Variants in MED13 observed in about 807,000 individuals in gnomAD.
MED13 encodes the protein mediator of RNA polymerase II transcription subunit 13.
In MED13, 23 loss-of-function variants were observed where a neutral mutation model predicts 225.2. The ratio of observed to expected loss-of-function variants is 0.10; its 90% CI spans 0.07 to 0.14. MED13 has a LOEUF of 0.14. MED13 is among the 10% of genes least tolerant of loss of function. The pLI, the probability that MED13 is intolerant of heterozygous loss-of-function variation, is 1.00. For missense variants in MED13, 2,197 were observed against 2,594.5 expected, an observed-to-expected ratio of 0.85 and a Z score of 3.33; for synonymous variants, 942 against 889.2, an observed-to-expected ratio of 1.06 and a Z score of -1.06.
chr17:62,037,309 AAACTAAAAATAATAT>A (rs2080812185), intron 3 of MED13, among the ~76,000 whole-genome samples: 2 of 152,054 alleles, frequency 1.3e-5, no homozygotes, highest in African/African-American at 2.4e-5. Flanking sequence ...ACTGACAGAA[AAACTAAAAATAATAT>A]AACTAAAACA....
intron 9 of MED13, chr17:62,003,599 C>CAAAAAAAAAAAAAT (rs2080417328): frequency 1.9e-5 from 1 of 51,744 alleles, no homozygotes; most frequent in South Asian, 1.2e-3. Flanking sequence ...CAGCAAAACT[C>CAAAAAAAAAAAAAT]AAAAAAAAAA....
intron 16 of MED13, among the ~76,000 whole-genome samples, chr17:61,978,571 T>C (rs1331933487): frequency 6.6e-6 from 1 of 152,154 alleles, no homozygotes; most frequent in Non-Finnish European, 1.5e-5. Flanking sequence ...CTCAATACCC[T>C]GTAAAGTAAA....
At chr17:62,015,952 A>ATT (rs2080573117) in intron 8 of MED13, among the ~76,000 whole-genome samples, 3 of 10,634 alleles carry the variant, frequency 2.8e-4, no homozygotes, top group African/African-American at 3.6e-4. Context: ...ATATATATAT[A>ATT]TATTTTTTTT....
chr17:62,028,489 T>C (rs58046635), intron 8 of MED13, among the ~76,000 whole-genome samples: 11,408 of 151,938 alleles, frequency 0.075, 1,471 homozygotes, highest in African/African-American at 0.26. Flanking sequence ...CAGCAAACCC[T>C]TGTGACATGA....
rs2079836706 is a variant in MED13, at chr17:61,944,330, G to A, written c.*2138C>T. On this transcript the variant is annotated 3_prime_UTR_variant, in exon 30 of 30. Transcript: ENST00000397786. The stretch of plus-strand genomic sequence containing the variant: ...TGTATAAAAAGGATACTCTTTTTAT[G>A]GAAATTCCAAATAAGCACATTTTCC... The A allele has an allele frequency of 6.6e-6, 1 of 151,124 alleles. No homozygotes were observed. The highest frequency in any genetic ancestry group is 2.4e-5 in the African/African-American group (1 of 41,158). The allele number at this position is 151,124 out of a possible 1,614,324, so 9.4% of individuals were successfully genotyped here.
Position 61,966,466 on chromosome 17 carries a change from G to A in MED13, c.4377C>T (p.Asp1459=). ...LKLYAQVCRY[D]LGPYLASLPL... ...CAATAAATACAAATTCAATACCTAGGTCATATCTGCAGACTTGTGCATAAA... is the reference window on the plus strand; with the variant it reads ...CAATAAATACAAATTCAATACCTAGATCATATCTGCAGACTTGTGCATAAA... The change falls in exon 19 of 30, where the codon GAC becomes GAT. Residue 1459 remains aspartate (D), a synonymous_variant. Transcript: ENST00000397786. 1 of 1,609,720 alleles carries A rather than the reference G, an allele frequency of 6.2e-7. No homozygotes were observed. The highest frequency in any genetic ancestry group is 1.3e-5 in the African/African-American group (1 of 74,890).
chr17:61,989,690 T>G (rs534247365), intron 11 of MED13, among the ~76,000 whole-genome samples: 1 of 152,230 alleles, frequency 6.6e-6, no homozygotes, highest in Non-Finnish European at 1.5e-5. Context: ...AAGGTGGTCT[T>G]GAACTCCTGG....
At chr17:62,029,370 A>C in intron 8 of MED13, 171 bp downstream of exon 8, 1 of 588,290 alleles carries the variant, frequency 1.7e-6, no homozygotes. Flanking sequence ...TTATATTTAC[A>C]TGTACTTCTA....
intron 3 of MED13, among the ~76,000 whole-genome samples, chr17:62,039,116 C>T (rs569829400): frequency 1.1e-4 from 17 of 152,288 alleles, no homozygotes; most frequent in African/African-American, 4.1e-4. Flanking sequence ...CACTGTTTAT[C>T]TGCCACTACC....
At chr17:62,045,596 T>C (rs765805637) in intron 3 of MED13, among the ~76,000 whole-genome samples, 11 of 152,140 alleles carry the variant, frequency 7.2e-5, no homozygotes, top group Non-Finnish European at 1.2e-4. Context: ...AAGTTCAGAA[T>C]ATCTTTTATA....
At chr17:61,961,435 G>A (rs1294988604) in intron 22 of MED13, among the ~76,000 whole-genome samples, 153 bp downstream of exon 22, 4 of 148,300 alleles carry the variant, frequency 2.7e-5, no homozygotes, top group African/African-American at 7.5e-5. Context: ...CAGGAGAATC[G>A]CTTGAACCCA....
intron 3 of MED13, among the ~76,000 whole-genome samples, chr17:62,048,043 C>CATATACATATACATATACATATAT (rs776069700): frequency 3.0e-5 from 4 of 131,168 alleles, no homozygotes; most frequent in African/African-American, 1.1e-4. Flanking sequence ...TATACATATA[C>CATATACATATACATATACATATAT]ATATATATAT....
At chr17:62,062,853 G>A (rs914084970) in intron 2 of MED13, among the ~76,000 whole-genome samples, 3 of 152,144 alleles carry the variant, frequency 2.0e-5, no homozygotes, top group African/African-American at 7.2e-5. Flanking sequence ...GGTGGAAGGA[G>A]AAAGTCATTC....
At position 61,984,731 on chromosome 17, in the gene MED13, C is replaced by T; in HGVS notation, c.2611G>A (p.Gly871Arg). ...TGCGCTCCTATACTAGAACTATTTC[C>T]TTCTAGAACAGTTCCTCCAGGTGTT... ...DTTPGGTVLE[G>R]NSSSIGAQFK... Residue 871 changes from glycine to arginine, a missense_variant, in exon 14 of 30, where the codon GGA (glycine) becomes AGA (arginine). Gly to Arg is a moderately radical substitution (Grantham distance 125, BLOSUM62 -2). Coordinates refer to ENST00000397786, the MANE Select transcript of MED13 (RefSeq NM_005121.3). The T allele has an allele frequency of 6.2e-7, 1 of 1,613,816 alleles. No homozygotes were observed. Among genetic ancestry groups the T allele is most frequent in the Non-Finnish European group, 8.5e-7 (1 of 1,179,766 alleles).
chr17:61,944,349 A>T lies in MED13; in HGVS notation c.*2119T>A. ...TTTTATGGAAATTCCAAATAAGCACATTTTCCTTCAAATCTCAGACAAGTT... is the reference window on the plus strand; with the variant it reads ...TTTTATGGAAATTCCAAATAAGCACTTTTTCCTTCAAATCTCAGACAAGTT... On this transcript the variant is annotated 3_prime_UTR_variant, in exon 30 of 30. Coordinates refer to ENST00000397786, the MANE Select transcript of MED13 (RefSeq NM_005121.3). 1 of 151,122 alleles carries T rather than the reference A, an allele frequency of 6.6e-6. No homozygotes were observed. The allele number at this position is 151,122 out of a possible 1,614,324, so 9.4% of individuals were successfully genotyped here. A position where few individuals can be genotyped will look rare whatever the true frequency, so the allele number is the denominator to read the frequency against.
At chr17:62,019,702 T>C (rs2080618762) in intron 8 of MED13, among the ~76,000 whole-genome samples, 1 of 152,108 alleles carries the variant, frequency 6.6e-6, no homozygotes, top group Non-Finnish European at 1.5e-5. Flanking sequence ...GACCTCTTTC[T>C]AAAAGCTAGT....
chr17:62,019,861 AGCCTCCCGAGTAGCTGGGACTATAGGC>A (rs2080621328), intron 8 of MED13, among the ~76,000 whole-genome samples: 1 of 151,058 alleles, frequency 6.6e-6, no homozygotes, highest in Non-Finnish European at 1.5e-5. Context: ...CTCCTGCCTT[AGCCTCCCGAGTAGCTGGGACTATAGGC>A]GCCCACCACC....
intron 3 of MED13, among the ~76,000 whole-genome samples, chr17:62,050,385 A>G (rs959085872): frequency 6.6e-6 from 1 of 151,342 alleles, no homozygotes; most frequent in Non-Finnish European, 1.5e-5. Flanking sequence ...GGAAAAGGAG[A>G]GGGAAAAGAA....
chr17:62,030,058 G>T, intron 6 of MED13, 45 bp from the exon 7 acceptor site: 1 of 1,396,824 alleles, frequency 7.2e-7, no homozygotes, highest in Non-Finnish European at 9.4e-7. Context: ...ATAAAGGTAG[G>T]TTTAAAGTAA....
Sources: allele counts gnomAD v4.1 joint callset (sites outside exome capture counted in the v4.1 genomes callset), GRCh38; gene constraint gnomAD v4.1.1; transcripts MANE v1.5; gene names NCBI Gene and HGNC (gene_info 2026-07-23, HGNC 2026-07-21).